RBFOX1: variants seen among roughly 807,000 people sequenced by gnomAD.
The protein encoded by RBFOX1 is RNA binding protein fox-1 homolog 1.
A neutral mutation model predicts 57.7 loss-of-function variants in RBFOX1; 8 were observed. The ratio of observed to expected loss-of-function variants is 0.14; its 90% CI spans 0.08 to 0.25. The LOEUF is 0.25. Among genes scored for constraint, RBFOX1 ranks in the 10% least tolerant of loss-of-function variants. The probability of loss-of-function intolerance (pLI) is 1.00; values close to 1 mark genes in which losing one functional copy is unlikely to be tolerated. For synonymous variants in RBFOX1, 326 were observed against 222.4 expected, an observed-to-expected ratio of 1.47 and a Z score of -4.15; for missense variants, 611 against 548.5, an observed-to-expected ratio of 1.11 and a Z score of -1.14.
intron 4 of RBFOX1, among the ~76,000 whole-genome samples, chr16:5,988,841 G>C (rs1173547902): frequency 6.6e-6 from 1 of 152,060 alleles, no homozygotes; most frequent in Non-Finnish European, 1.5e-5. Flanking sequence ...CCAAGACTCA[G>C]AGAGTATGAA....
chr16:7,470,533 A>G (rs1053406411), intron 4 of RBFOX1, among the ~76,000 whole-genome samples: 1 of 151,554 alleles, frequency 6.6e-6, no homozygotes, highest in African/African-American at 2.4e-5. Context: ...GGTTGGGTAG[A>G]TGAGTGGGTG....
chr16:6,246,897 T>A (rs973080089), intron 1 of RBFOX1, among the ~76,000 whole-genome samples: 4 of 152,110 alleles, frequency 2.6e-5, no homozygotes, highest in African/African-American at 9.7e-5. Flanking sequence ...GGTGAAACCC[T>A]GTCTCTACTA....
intron 3 of RBFOX1, among the ~76,000 whole-genome samples, chr16:6,852,479 G>T (rs1362747164): frequency 6.6e-6 from 1 of 152,186 alleles, no homozygotes; most frequent in African/African-American, 2.4e-5. Flanking sequence ...GCTTATTAGG[G>T]TAAGTGTGAG....
chr16:5,313,736 C>T (rs543578544), intron 1 of RBFOX1, among the ~76,000 whole-genome samples: 2 of 152,212 alleles, frequency 1.3e-5, no homozygotes, highest in South Asian at 2.1e-4. Context: ...TTCACTATTG[C>T]GAGAACAGCA....
At chr16:7,575,393 A>G (rs1239404883) in intron 5 of RBFOX1, among the ~76,000 whole-genome samples, 3 of 152,108 alleles carry the variant, frequency 2.0e-5, no homozygotes, top group African/African-American at 7.2e-5. Context: ...TCAGCCTCCC[A>G]AAGTGCTGGG....
At chr16:7,244,041 GT>G (rs1171040951) in intron 4 of RBFOX1, among the ~76,000 whole-genome samples, 7 of 151,590 alleles carry the variant, frequency 4.6e-5, no homozygotes, top group African/African-American at 1.5e-4. Flanking sequence ...AATGATCTTT[GT>G]TTTCACAGCA....
intron 4 of RBFOX1, among the ~76,000 whole-genome samples, chr16:7,079,798 G>C (rs944968958): frequency 2.0e-5 from 3 of 151,908 alleles, no homozygotes; most frequent in African/African-American, 7.3e-5. Flanking sequence ...GTACACTTAA[G>C]ATTTGTGTGC....
At chr16:6,141,327 C>T (rs2096714314) in intron 1 of RBFOX1, among the ~76,000 whole-genome samples, 1 of 152,164 alleles carries the variant, frequency 6.6e-6, no homozygotes, top group African/African-American at 2.4e-5. Context: ...TACGGAAGAG[C>T]TGAGAGGCTA....
intron 11 of RBFOX1, among the ~76,000 whole-genome samples, chr16:7,652,127 C>G (rs139764797): frequency 6.6e-6 from 1 of 152,172 alleles, no homozygotes; most frequent in East Asian, 1.9e-4. Context: ...ACATTGCCTG[C>G]TACTTAGTGA....
At chr16:6,492,667 A>G (rs912232867) in intron 2 of RBFOX1, among the ~76,000 whole-genome samples, 7 of 152,120 alleles carry the variant, frequency 4.6e-5, no homozygotes, top group Admixed American at 6.5e-5. Context: ...GTTTGTGAAG[A>G]TGCAGCTTGG....
chr16:6,453,959 C>T (rs1262867054), intron 2 of RBFOX1, among the ~76,000 whole-genome samples: 1 of 152,174 alleles, frequency 6.6e-6, no homozygotes, highest in Non-Finnish European at 1.5e-5. Context: ...AGGCCGAAGT[C>T]CAAATCCAAG....
intron 2 of RBFOX1, among the ~76,000 whole-genome samples, chr16:6,431,919 T>C (rs935540444): frequency 6.7e-6 from 1 of 149,318 alleles, no homozygotes; most frequent in Non-Finnish European, 1.5e-5. Flanking sequence ...CTTTCTTTCT[T>C]TCTTTCTTTC....
intron 1 of RBFOX1, among the ~76,000 whole-genome samples, chr16:6,116,339 G>A (rs558816178): frequency 6.0e-4 from 91 of 152,260 alleles, no homozygotes; most frequent in African/African-American, 2.1e-3. Flanking sequence ...GATGGGTGCA[G>A]CAAACCACCA....
chr16:7,493,503 A>G (rs929405479), intron 4 of RBFOX1, among the ~76,000 whole-genome samples: 9 of 152,194 alleles, frequency 5.9e-5, no homozygotes, highest in Admixed American at 4.6e-4. Flanking sequence ...TTTGAATTGG[A>G]GAGATTATTC....
At chr16:6,669,237 AG>A (rs2098750013) in intron 3 of RBFOX1, among the ~76,000 whole-genome samples, 1 of 152,214 alleles carries the variant, frequency 6.6e-6, no homozygotes, top group Non-Finnish European at 1.5e-5. Flanking sequence ...ACAGAATTCA[AG>A]GGTGGGGTGG....
intron 2 of RBFOX1, among the ~76,000 whole-genome samples, chr16:5,587,669 CGG>C (rs2046876995): frequency 6.6e-6 from 1 of 152,108 alleles, no homozygotes; most frequent in Non-Finnish European, 1.5e-5. Flanking sequence ...GCCAAGATCG[CGG>C]CACTGTACTC....
chr16:7,546,111 G>C (rs2084438050), intron 5 of RBFOX1, among the ~76,000 whole-genome samples: 1 of 151,808 alleles, frequency 6.6e-6, no homozygotes, highest in African/African-American at 2.4e-5. Flanking sequence ...TGGATCACCT[G>C]AGGTCAGGAG....
chr16:6,724,219 T>TTC (rs2066638701), intron 3 of RBFOX1, among the ~76,000 whole-genome samples: 1 of 150,970 alleles, frequency 6.6e-6, no homozygotes, highest in African/African-American at 2.4e-5. Flanking sequence ...TTTTTTTTTT[T>TTC]TTTTTTTGAG....
chr16:5,342,114 C>T (rs1029880045), intron 1 of RBFOX1, among the ~76,000 whole-genome samples: 1 of 152,162 alleles, frequency 6.6e-6, no homozygotes, highest in Non-Finnish European at 1.5e-5. Flanking sequence ...TACCTGTTGA[C>T]CTATTGGAGA....
Sources: allele counts gnomAD v4.1 joint callset (sites outside exome capture counted in the v4.1 genomes callset), GRCh38; gene constraint gnomAD v4.1.1; transcripts MANE v1.5; gene names NCBI Gene and HGNC (gene_info 2026-07-23, HGNC 2026-07-21).